Variants in SPRYD7 observed in about 807,000 individuals in gnomAD.
SPRYD7 encodes the protein SPRY domain containing 7, also known as SPRY domain-containing protein 7.
Under a neutral mutation model 23.8 loss-of-function variants are expected in SPRYD7, and 14 were observed. The ratio of observed to expected loss-of-function variants is 0.59; its 90% CI spans 0.39 to 0.92. SPRYD7 has a LOEUF of 0.92. SPRYD7 is among the 40% of genes least tolerant of loss of function. The pLI is 0.00. For missense variants in SPRYD7, 194 were observed against 241.7 expected, an observed-to-expected ratio of 0.80 and a Z score of 1.31; for synonymous variants, 75 against 84.9, an observed-to-expected ratio of 0.88 and a Z score of 0.64.
intron 3 of SPRYD7, among the ~76,000 whole-genome samples, chr13:49,923,493 C>T (rs1409203846): frequency 6.6e-6 from 1 of 152,188 alleles, no homozygotes; most frequent in East Asian, 1.9e-4. Context: ...ATCTGCCCGC[C>T]TCGGTCTCCC....
chr13:49,924,986 A>AAAAT (rs777032632), intron 3 of SPRYD7, among the ~76,000 whole-genome samples: 5,001 of 133,948 alleles, frequency 0.037, 142 homozygotes, highest in South Asian at 0.14. Flanking sequence ...CAAAAAAAAA[A>AAAAT]AATAAATAAA....
At chr13:49,931,763 A>C (rs1871393420) in intron 1 of SPRYD7, among the ~76,000 whole-genome samples, 1 of 151,830 alleles carries the variant, frequency 6.6e-6, no homozygotes, top group Non-Finnish European at 1.5e-5. Flanking sequence ...AGCCTGGGCA[A>C]CCTTGCAAAA....
chr13:49,927,977 T>G lies in SPRYD7; in HGVS notation c.332A>C (p.Asn111Thr). 1.2e-6 allele frequency: 2 copies of G among 1,614,210 alleles called. No homozygotes were observed. The highest frequency in any genetic ancestry group is 1.3e-5 in the African/African-American group (1 of 75,060). The change falls in exon 3 of 5, where the codon AAC becomes ACC. Residue 111 changes from asparagine (N) to threonine (T), a missense_variant. By Grantham distance (65) the Asn-to-Thr change is moderately conservative. Transcript: ENST00000361840. ...TGGCAGCCTATTTTTCTCTTCATTG[T>G]TGTGGTAAAGGGCTCCATCATTTCT... ...VMRNDGALYH[N>T]NEEKNRLPAN...
chr13:49,921,655 CA>C, intron 3 of SPRYD7, 75 bp from the exon 4 acceptor site: 2 of 923,326 alleles, frequency 2.2e-6, no homozygotes, highest in East Asian at 4.9e-5. Flanking sequence ...TATGGAAACA[CA>C]AAAAGCTAAG....
intron 3 of SPRYD7, among the ~76,000 whole-genome samples, chr13:49,926,106 C>A (rs1015158990): frequency 1.3e-5 from 2 of 152,118 alleles, no homozygotes; most frequent in Non-Finnish European, 2.9e-5. Flanking sequence ...GTTAAAATAG[C>A]AGGGTAATGT....
At chr13:49,932,387 T>A (rs957382674) in intron 1 of SPRYD7, among the ~76,000 whole-genome samples, 1 of 152,194 alleles carries the variant, frequency 6.6e-6, no homozygotes, top group Non-Finnish European at 1.5e-5. Flanking sequence ...TTTATTCTCG[T>A]AGAAAATTTT....
chr13:49,926,912 T>C (rs1418424110), intron 3 of SPRYD7, among the ~76,000 whole-genome samples: 2 of 152,122 alleles, frequency 1.3e-5, no homozygotes, highest in African/African-American at 2.4e-5. Flanking sequence ...GATAATGCAG[T>C]GTGGAAGGAA....
At chr13:49,933,588 C>T (rs1871480183) in intron 1 of SPRYD7, among the ~76,000 whole-genome samples, 1 of 139,694 alleles carries the variant, frequency 7.2e-6, no homozygotes, top group Non-Finnish European at 1.5e-5. Context: ...GGCGACAGAG[C>T]GAGATTCCCT....
In SPRYD7 at chr13:49,921,439, A is replaced by G. The variant is rs1442577975; in HGVS notation, c.493+39T>C. On this transcript the variant is annotated intron_variant, in intron 4 of 4. Coordinates refer to ENST00000361840, the MANE Select transcript of SPRYD7 (RefSeq NM_020456.4). The stretch of plus-strand genomic sequence containing the variant: ...ACTGATACACACACCAAACAAGTTA[A>G]TATGTATGTAATAATACATTAGAAA... 1.0e-5 allele frequency: 13 copies of G among 1,245,728 alleles called. No homozygotes were observed. The Admixed American group carries it at 2.0e-4, about 19-fold the overall frequency. 77.2% of individuals were successfully genotyped at this position (1,245,728 alleles called of 1,614,324 possible). A position where few individuals can be genotyped will look rare whatever the true frequency, so the allele number is the denominator to read the frequency against.
chr13:49,925,891 G>A (rs1955878022), intron 3 of SPRYD7, among the ~76,000 whole-genome samples: 1 of 151,726 alleles, frequency 6.6e-6, no homozygotes, highest in Non-Finnish European at 1.5e-5. Flanking sequence ...AGGCCGTGCT[G>A]TACTGGGTGA....
intron 3 of SPRYD7, among the ~76,000 whole-genome samples, chr13:49,925,563 G>T (rs1955872997): frequency 6.6e-6 from 1 of 151,678 alleles, no homozygotes; most frequent in Non-Finnish European, 1.5e-5. Flanking sequence ...TGTAATCCCA[G>T]CACTTTGGGA....
chr13:49,923,428 G>A (rs926849482), intron 3 of SPRYD7, among the ~76,000 whole-genome samples: 4 of 152,060 alleles, frequency 2.6e-5, no homozygotes, highest in Non-Finnish European at 5.9e-5. Context: ...ATTTTTAGTA[G>A]AGATGGGGTT....
Position 49,927,988 on chromosome 13 carries a change from G to C in SPRYD7, c.321C>G (p.Ala107=). 1.2e-6 allele frequency: 2 copies of C among 1,614,152 alleles called. No homozygotes were observed. The highest frequency in any genetic ancestry group is 1.7e-6 in the Non-Finnish European group (2 of 1,180,026). Residue 107 remains alanine, a synonymous_variant, in exon 3 of 5, where the codon GCC becomes GCG. Coordinates refer to ENST00000361840, the MANE Select transcript of SPRYD7 (RefSeq NM_020456.4). The stretch of plus-strand genomic sequence containing the variant: ...TTTTCTCTTCATTGTTGTGGTAAAG[G>C]GCTCCATCATTTCTCATCACCAGAC... ...MHSLVMRNDG[A]LYHNNEEKNR...
At chr13:49,929,134 T>C (rs551394294) in intron 2 of SPRYD7, among the ~76,000 whole-genome samples, 6 of 152,126 alleles carry the variant, frequency 3.9e-5, no homozygotes, top group Middle Eastern at 3.4e-3. Context: ...CCATGCCCCA[T>C]TGAAAATCAT....
At chr13:49,921,681 A>C in intron 3 of SPRYD7, 101 bp from the exon 4 acceptor site, 1 of 686,710 alleles carries the variant, frequency 1.5e-6, no homozygotes, top group Admixed American at 2.4e-5. Flanking sequence ...GGCTGACAAC[A>C]ATTTTCATTA....
intron 3 of SPRYD7, 136 bp from the exon 4 acceptor site, chr13:49,921,716 T>C (rs979545242): frequency 1.2e-5 from 7 of 596,116 alleles, no homozygotes; most frequent in African/African-American, 9.2e-5. Context: ...GGTAGAATCC[T>C]ACTTGAACTG....
At chr13:49,933,479 A>T (rs1742313192) in intron 1 of SPRYD7, among the ~76,000 whole-genome samples, 1 of 151,820 alleles carries the variant, frequency 6.6e-6, no homozygotes, top group Non-Finnish European at 1.5e-5. Context: ...GTGGGCGCCT[A>T]TAGTCCCAGC....
In SPRYD7 at chr13:49,927,582, T is replaced by C. The variant is rs570325993; in HGVS notation, c.390+337A>G. On this transcript the variant is annotated intron_variant, in intron 3 of 4. Transcript: ENST00000361840. ...TAAAAATAACTAGTATTTTCTAATATAAGCTTCAGCAAACTTTTAGAATTG... is the reference window on the plus strand; with the variant it reads ...TAAAAATAACTAGTATTTTCTAATACAAGCTTCAGCAAACTTTTAGAATTG... Among the ~76,000 whole-genome samples the C allele has an allele frequency of 7.9e-5, 12 of 152,242 alleles. No homozygotes were observed. In the East Asian group the frequency reaches 2.3e-3, roughly 29 times the overall value.
At chr13:49,921,010 C>T (rs1278222960) in intron 4 of SPRYD7, among the ~76,000 whole-genome samples, 1 of 151,978 alleles carries the variant, frequency 6.6e-6, no homozygotes, top group Non-Finnish European at 1.5e-5. Context: ...AACAATGTGT[C>T]CAGATTTCTA....
Sources: allele counts gnomAD v4.1 joint callset (sites outside exome capture counted in the v4.1 genomes callset), GRCh38; gene constraint gnomAD v4.1.1; transcripts MANE v1.5; gene names NCBI Gene and HGNC (gene_info 2026-07-23, HGNC 2026-07-21).